The following CACNB4 variants were observed in gnomAD, a reference collection of about 807,000 sequenced individuals.
CACNB4 encodes calcium voltage-gated channel auxiliary subunit beta 4.
A neutral mutation model predicts 71.2 loss-of-function variants in CACNB4; 32 were observed. The observed-to-expected ratio is 0.45, with a 90% CI of 0.34 to 0.60. CACNB4 has a LOEUF of 0.60. CACNB4 is among the 20% of genes least tolerant of loss of function. CACNB4 has a pLI of 0.01. For missense variants in CACNB4, 464 were observed against 647.9 expected (o/e 0.72, Z 3.08); for synonymous variants, 231 against 236.9 (o/e 0.97, Z 0.23).
rs961294859 is a variant in CACNB4, at chr2:151,958,885, C to T, written c.148-75515G>A. On this transcript the variant is annotated intron_variant, in intron 2 of 13. Coordinates refer to ENST00000539935, the MANE Select transcript of CACNB4 (RefSeq NM_000726.5). Reference sequence around the variant, plus strand: ...ATAATTTCTCTCACAGTATGTTCTGCGAAACATCAATACAGTATGTGATCA... The same window carrying T: ...ATAATTTCTCTCACAGTATGTTCTGTGAAACATCAATACAGTATGTGATCA... Among the ~76,000 whole-genome samples, 11 of 152,238 alleles carry T rather than the reference C, an allele frequency of 7.2e-5. No individual in the cohort carries two copies. The East Asian group carries it at 7.7e-4, about 11-fold the overall frequency.
intron 2 of CACNB4, among the ~76,000 whole-genome samples, chr2:152,029,592 C>A (rs1684170873): frequency 6.6e-6 from 1 of 151,904 alleles, no homozygotes; most frequent in African/African-American, 2.4e-5. Context: ...GGAAGACAAC[C>A]ACCTGCAGAT....
At chr2:152,048,147 T>C (rs569149142) in intron 2 of CACNB4, among the ~76,000 whole-genome samples, 2 of 152,234 alleles carry the variant, frequency 1.3e-5, no homozygotes, top group South Asian at 2.1e-4. Flanking sequence ...TGTCTGTGCA[T>C]TGGAGAATGT....
intron 2 of CACNB4, among the ~76,000 whole-genome samples, chr2:151,918,217 A>T (rs1181134475): frequency 6.6e-6 from 1 of 152,244 alleles, no homozygotes; most frequent in East Asian, 1.9e-4. Flanking sequence ...TTTTTATTAC[A>T]GTAGTCATTC....
chr2:151,966,444 C>T (rs1043575633), intron 2 of CACNB4, among the ~76,000 whole-genome samples: 4 of 152,070 alleles, frequency 2.6e-5, no homozygotes, highest in Non-Finnish European at 5.9e-5. Flanking sequence ...CCACGCCCAA[C>T]TAATTTTTAT....
At chr2:152,014,910 A>C (rs533906027) in intron 2 of CACNB4, among the ~76,000 whole-genome samples, 1 of 152,272 alleles carries the variant, frequency 6.6e-6, no homozygotes, top group South Asian at 2.1e-4. Flanking sequence ...TTAATTATCC[A>C]AAGGAATGTT....
In CACNB4 at chr2:152,098,823, C is replaced by A; in HGVS notation, c.63+126G>T. ...GGACGTGGAGGAGGGGTGGGGGGAG[C>A]GGGGCCGCCGACTCCCGGGACTGGG... On this transcript the variant is annotated intron_variant, in intron 1 of 13. Coordinates refer to ENST00000539935, the MANE Select transcript of CACNB4 (RefSeq NM_000726.5). This position sits in a 1 kb window ranked among gnomAD's most constrained non-coding sequence, Gnocchi z 5.3. The A allele has an allele frequency of 1.8e-6, 1 of 551,332 alleles. No homozygotes were observed. The highest frequency in any genetic ancestry group is 2.9e-6 in the Non-Finnish European group (1 of 340,916). The allele number at this position is 551,332 out of a possible 1,614,324, so 34.2% of individuals were successfully genotyped here.
At chr2:152,043,239 C>T (rs1283546685) in intron 2 of CACNB4, among the ~76,000 whole-genome samples, 2 of 152,214 alleles carry the variant, frequency 1.3e-5, no homozygotes, top group Non-Finnish European at 2.9e-5. Flanking sequence ...CCTTTACTTT[C>T]TTAATACACT....
chr2:151,927,722 C>G (rs557376990), intron 2 of CACNB4, among the ~76,000 whole-genome samples: 1 of 152,166 alleles, frequency 6.6e-6, no homozygotes, highest in Non-Finnish European at 1.5e-5. Context: ...GCTGCAGCAA[C>G]GCAGGTGCTG....
At chr2:152,075,990 C>A (rs1305924101) in intron 2 of CACNB4, among the ~76,000 whole-genome samples, 1 of 152,100 alleles carries the variant, frequency 6.6e-6, no homozygotes, top group Non-Finnish European at 1.5e-5. Flanking sequence ...AGCTAATATC[C>A]CTGAAATCCT....
At chr2:152,053,242 T>G (rs139145515) in intron 2 of CACNB4, among the ~76,000 whole-genome samples, 1 of 152,218 alleles carries the variant, frequency 6.6e-6, no homozygotes, top group African/African-American at 2.4e-5. Context: ...CCTCAACCTC[T>G]GGGAAGGGAG....
At chr2:151,979,354 G>A (rs538003802) in intron 2 of CACNB4, among the ~76,000 whole-genome samples, 64 of 151,588 alleles carry the variant, frequency 4.2e-4, no homozygotes, top group African/African-American at 1.5e-3. Flanking sequence ...AGTGAGTGTA[G>A]GCAAGGTAAA....
intron 2 of CACNB4, among the ~76,000 whole-genome samples, chr2:151,910,262 C>T (rs2099855863): frequency 6.6e-6 from 1 of 152,076 alleles, no homozygotes; most frequent in Non-Finnish European, 1.5e-5. Flanking sequence ...CTTGTAAATT[C>T]TGGACATTAG....
chr2:152,076,645 T>A (rs1687045995), intron 2 of CACNB4, among the ~76,000 whole-genome samples: 1 of 152,180 alleles, frequency 6.6e-6, no homozygotes, highest in South Asian at 2.1e-4. Context: ...ATATCTTAAT[T>A]CTTAAAGGAA....
At chr2:151,993,514 T>C (rs1419758138) in intron 2 of CACNB4, among the ~76,000 whole-genome samples, 2 of 150,892 alleles carry the variant, frequency 1.3e-5, no homozygotes, top group African/African-American at 4.9e-5. Flanking sequence ...AAAAACAGGA[T>C]AGTGCCAGAG....
Position 152,090,650 on chromosome 2 carries a change from A to T in CACNB4, c.147+7680T>A, listed in dbSNP as rs534820024. ...AACAGCAAAACTCCATCTCAAAAAA[A>T]AAAAAGAAAAAAAGAAAGATAAAAA... On this transcript the variant is annotated intron_variant, in intron 2 of 13. Coordinates refer to ENST00000539935, the MANE Select transcript of CACNB4 (RefSeq NM_000726.5). Among the ~76,000 whole-genome samples the T allele has an allele frequency of 1.5e-4, 23 of 151,978 alleles. No individual in the cohort carries two copies. In the East Asian group the frequency reaches 4.5e-3, roughly 30 times the overall value.
chr2:152,080,822 T>C (rs886943653), intron 2 of CACNB4, among the ~76,000 whole-genome samples: 8 of 152,074 alleles, frequency 5.3e-5, no homozygotes, highest in Non-Finnish European at 7.4e-5. Flanking sequence ...CTCAGGGTAA[T>C]GAGTGATTTC....
intron 2 of CACNB4, among the ~76,000 whole-genome samples, chr2:152,037,293 A>C (rs1037343446): frequency 4.6e-5 from 7 of 152,250 alleles, no homozygotes; most frequent in Admixed American, 3.3e-4. Context: ...TAATATAACA[A>C]GACTCTCCTT....
At chr2:152,035,849 G>A (rs1263864834) in intron 2 of CACNB4, among the ~76,000 whole-genome samples, 1 of 151,858 alleles carries the variant, frequency 6.6e-6, no homozygotes, top group Non-Finnish European at 1.5e-5. Flanking sequence ...TCATATCATT[G>A]AGAATAAAAC....
intron 2 of CACNB4, among the ~76,000 whole-genome samples, chr2:152,026,208 C>A (rs1434726019): frequency 6.6e-6 from 1 of 152,152 alleles, no homozygotes; most frequent in African/African-American, 2.4e-5. Flanking sequence ...ACAGACCGGC[C>A]CTTCCACTCG....
Sources: gnomAD v4.1 joint callset for allele counts (sites outside exome capture counted in the v4.1 genomes callset) on GRCh38, gnomAD v4.1.1 for gene constraint, Gnocchi (gnomAD v3.1) non-coding constraint, MANE v1.5 for transcripts, NCBI Gene and HGNC (gene_info 2026-07-23, HGNC 2026-07-21) for gene names.